ETFBKMT: variants seen among roughly 807,000 people sequenced by gnomAD.
The protein encoded by ETFBKMT is electron transfer flavoprotein beta subunit lysine methyltransferase.
A neutral mutation model predicts 18.3 loss-of-function variants in ETFBKMT; 13 were observed. That is an observed-to-expected ratio of 0.71 (90% CI 0.46 to 1.13). The LOEUF is 1.13. Among genes scored for constraint, ETFBKMT ranks in the 50% most tolerant of loss-of-function variants. ETFBKMT has a pLI of 0.00. For missense variants in ETFBKMT, 293 were observed against 306.2 expected (o/e 0.96, Z 0.32); for synonymous variants, 84 against 107.9 (o/e 0.78, Z 1.37).
chr12:31,668,000 G>A lies in ETFBKMT; in HGVS notation c.*10G>A. Reference sequence around the variant, plus strand: ...GGGTTTTCAGCCTTGAGTTGTCAAAGTGCTTCCAAGTATGAATATAGTAAT... The same window carrying A: ...GGGTTTTCAGCCTTGAGTTGTCAAAATGCTTCCAAGTATGAATATAGTAAT... On this transcript the variant is annotated 3_prime_UTR_variant, in exon 4 of 4. Transcript: ENST00000357721. 1.1e-5 allele frequency: 17 copies of A among 1,603,218 alleles called. No individual in the cohort carries two copies. Among genetic ancestry groups the A allele is most frequent in the Non-Finnish European group, 1.4e-5 (17 of 1,172,566 alleles).
At chr12:31,660,470 G>A (rs1231086980) in intron 1 of ETFBKMT, among the ~76,000 whole-genome samples, 1 of 152,160 alleles carries the variant, frequency 6.6e-6, no homozygotes, top group African/African-American at 2.4e-5. Context: ...GGGTGTATAA[G>A]TTGTGTTTAA....
At chr12:31,664,772 C>T (rs1303766275) in intron 2 of ETFBKMT, among the ~76,000 whole-genome samples, 3 of 151,572 alleles carry the variant, frequency 2.0e-5, no homozygotes, top group East Asian at 3.9e-4. Context: ...TGTACCACCA[C>T]GCCTGGCTAA....
chr12:31,671,794 A>G lies in ETFBKMT; in HGVS notation c.*3804A>G, dbSNP rs1027942417. The G allele has an allele frequency of 6.6e-6, 1 of 152,556 alleles. No homozygotes were observed. The highest frequency in any genetic ancestry group is 6.5e-5 in the Admixed American group (1 of 15,324). The allele number at this position is 152,556 out of a possible 1,614,324, so 9.5% of individuals were successfully genotyped here. ...TGAAACAAATACCTAAATTCTTTGA[A>G]GAATTAACAGGCTTGATGTTCAGGT... is the stretch of plus-strand genomic sequence containing the variant. On this transcript the variant is annotated 3_prime_UTR_variant, in exon 4 of 4. Coordinates refer to ENST00000357721, the MANE Select transcript of ETFBKMT (RefSeq NM_001135863.2).
chr12:31,648,867 C>T (rs1398818260), intron 1 of ETFBKMT, among the ~76,000 whole-genome samples: 26 of 151,700 alleles, frequency 1.7e-4, no homozygotes, highest in Admixed American at 1.2e-3. Flanking sequence ...AGCCCTGTGA[C>T]GGGGTTTCAC....
upstream of ETFBKMT, among the ~76,000 whole-genome samples, chr12:31,656,418 C>A (rs1951062546): frequency 6.6e-6 from 1 of 152,000 alleles, no homozygotes. Context: ...TGAAAAGAGG[C>A]AGGATAGGTT....
rs781778594 is a variant in ETFBKMT at position 31,667,990 on chromosome 12, A to G, written c.789A>G (p.Ter263TrpextTer29). ...TTSTVWGFQP[*>W] ...GCACAGTGTGGGGTTTTCAGCCTTG[A>G]GTTGTCAAAGTGCTTCCAAGTATGA... The change falls in exon 4 of 4, where the codon TGA becomes TGG. Residue 263 changes from the stop codon to tryptophan (W), a stop_lost. Coordinates refer to ENST00000357721, the MANE Select transcript of ETFBKMT (RefSeq NM_001135863.2). 1 of 1,608,538 alleles carries G rather than the reference A, an allele frequency of 6.2e-7. No homozygotes were observed. The highest frequency in any genetic ancestry group is 1.1e-5 in the South Asian group (1 of 90,678).
chr12:31,670,209 G>A lies in ETFBKMT; in HGVS notation c.*2219G>A, dbSNP rs935932291. 1 of 152,190 alleles carries A rather than the reference G, an allele frequency of 6.6e-6. No homozygotes were observed. The highest frequency in any genetic ancestry group is 2.4e-5 in the African/African-American group (1 of 41,430). The allele number at this position is 152,190 out of a possible 1,614,324, so 9.4% of individuals were successfully genotyped here. ...AGCCTCCAGCAACTCAGGAATTACAGCATAAATGTTCCTATTGGTACTGGC... is the reference window on the plus strand; with the variant it reads ...AGCCTCCAGCAACTCAGGAATTACAACATAAATGTTCCTATTGGTACTGGC... On this transcript the variant is annotated 3_prime_UTR_variant, in exon 4 of 4. Transcript: ENST00000357721.
upstream of ETFBKMT, among the ~76,000 whole-genome samples, chr12:31,656,012 A>G (rs1410294960): frequency 1.3e-5 from 2 of 152,198 alleles, no homozygotes; most frequent in African/African-American, 4.8e-5. Context: ...TTTAAATGAG[A>G]TACTGATATG....
intron 1 of ETFBKMT, chr12:31,660,993 G>T (rs1951115273): frequency 6.6e-6 from 1 of 152,026 alleles, no homozygotes; most frequent in African/African-American, 2.4e-5. Flanking sequence ...GGTACAGTTG[G>T]CCCACAATAT....
intron 1 of ETFBKMT, among the ~76,000 whole-genome samples, chr12:31,661,432 C>G (rs538159364): frequency 6.6e-6 from 1 of 152,124 alleles, no homozygotes; most frequent in African/African-American, 2.4e-5. Flanking sequence ...TGAACTTGCA[C>G]ATGTGAATCA....
intron 2 of ETFBKMT, among the ~76,000 whole-genome samples, chr12:31,664,616 CTTT>C (rs59300091): frequency 1.5e-5 from 2 of 133,016 alleles, no homozygotes; most frequent in Non-Finnish European, 3.2e-5. Context: ...CTTTTTCTTT[CTTT>C]TTTTTTTTTT....
upstream of ETFBKMT, among the ~76,000 whole-genome samples, chr12:31,656,199 G>A (rs1482438089): frequency 6.6e-6 from 1 of 152,138 alleles, no homozygotes; most frequent in African/African-American, 2.4e-5. Context: ...AAGAAAATAG[G>A]AAGATTAGCG....
chr12:31,650,181 C>T, intron 1 of ETFBKMT, among the ~76,000 whole-genome samples: 1 of 148,224 alleles, frequency 6.7e-6, no homozygotes, highest in Non-Finnish European at 1.5e-5. Flanking sequence ...GATAGGAGGT[C>T]GCTGTAAAGA....
upstream of ETFBKMT, among the ~76,000 whole-genome samples, chr12:31,657,235 T>C (rs1002757058): frequency 3.9e-5 from 6 of 152,202 alleles, no homozygotes; most frequent in African/African-American, 1.4e-4. Context: ...GTAGGGCAGG[T>C]ATTTAAAGTA....
chr12:31,663,688 G>GA (rs1951158652), intron 2 of ETFBKMT, among the ~76,000 whole-genome samples: 1 of 152,218 alleles, frequency 6.6e-6, no homozygotes, highest in African/African-American at 2.4e-5. Context: ...AATCAGCAAC[G>GA]GATCAGGCTG....
At chr12:31,663,606 G>C (rs1242954460) in intron 2 of ETFBKMT, among the ~76,000 whole-genome samples, 1 of 152,174 alleles carries the variant, frequency 6.6e-6, no homozygotes, top group East Asian at 1.9e-4. Flanking sequence ...CAGGTTCTTA[G>C]TGCCATCAAC....
chr12:31,669,128 A>C lies in ETFBKMT; in HGVS notation c.*1138A>C, dbSNP rs1163066188. 1 of 152,210 alleles carries C rather than the reference A, an allele frequency of 6.6e-6. No individual in the cohort carries two copies. The highest frequency in any genetic ancestry group is 2.4e-5 in the African/African-American group (1 of 41,446). 9.4% of individuals were successfully genotyped at this position (152,210 alleles called of 1,614,324 possible). On this transcript the variant is annotated 3_prime_UTR_variant, in exon 4 of 4. Coordinates refer to ENST00000357721, the MANE Select transcript of ETFBKMT (RefSeq NM_001135863.2). ...TCTGGGTAGGGCTACTGTTTGCTGT[A>C]GAGTAGATATTACAGGCTAAATTTT...
At chr12:31,656,766 C>T (rs1031997346), upstream of ETFBKMT, among the ~76,000 whole-genome samples, 4 of 152,166 alleles carry the variant, frequency 2.6e-5, no homozygotes, top group South Asian at 2.1e-4. Flanking sequence ...CCTCCAATGG[C>T]GGTTTCCTTG....
intron 1 of ETFBKMT, among the ~76,000 whole-genome samples, chr12:31,648,279 G>A (rs996262687): frequency 4.0e-5 from 6 of 151,838 alleles, no homozygotes; most frequent in African/African-American, 1.5e-4. Context: ...GGATGCTTGA[G>A]TTCCTTATAT....
Sources: gnomAD v4.1 joint callset for allele counts (sites outside exome capture counted in the v4.1 genomes callset) on GRCh38, gnomAD v4.1.1 for gene constraint, MANE v1.5 for transcripts, NCBI Gene and HGNC (gene_info 2026-07-23, HGNC 2026-07-21) for gene names.